TFG: variants seen among roughly 807,000 people sequenced by gnomAD.
TFG encodes the protein trafficking from ER to golgi regulator, also known as protein TFG.
Under a neutral mutation model 51.4 loss-of-function variants are expected in TFG, and 22 were observed. That is an observed-to-expected ratio of 0.43 (90% CI 0.31 to 0.61). The LOEUF is 0.61. Among genes scored for constraint, TFG ranks in the 20% least tolerant of loss-of-function variants. The pLI is 0.12. For missense variants in TFG, 419 were observed against 487.7 expected (o/e 0.86, Z 1.33); for synonymous variants, 187 against 165.6 (o/e 1.13, Z -0.99).
At chr3:100,719,006 T>C (rs2095053902) in intron 2 of TFG, among the ~76,000 whole-genome samples, 1 of 152,254 alleles carries the variant, frequency 6.6e-6, no homozygotes, top group Admixed American at 6.5e-5. Context: ...TTTCTTCTTT[T>C]ACATACATAC....
intron 4 of TFG, 58 bp from the exon 5 acceptor site, chr3:100,732,450 C>T: frequency 3.1e-6 from 4 of 1,271,386 alleles, no homozygotes; most frequent in Admixed American, 4.2e-5. Flanking sequence ...TACTTTTAGG[C>T]CTTACTGAAT....
chr3:100,744,603 A>G (rs912640374), intron 6 of TFG: 4 of 358,402 alleles, frequency 1.1e-5, no homozygotes, highest in African/African-American at 8.4e-5. Flanking sequence ...CTGGTGTTGC[A>G]CTTAATGTTT....
chr3:100,727,545 C>T (rs1399764127), intron 3 of TFG, among the ~76,000 whole-genome samples: 1 of 152,102 alleles, frequency 6.6e-6, no homozygotes, highest in Non-Finnish European at 1.5e-5. Context: ...TTTTGAACGC[C>T]TGTCTTGGGG....
chr3:100,717,742 C>A (rs1439836957), intron 2 of TFG, among the ~76,000 whole-genome samples: 2 of 151,766 alleles, frequency 1.3e-5, no homozygotes, highest in African/African-American at 2.4e-5. Context: ...TTGTTTCTGG[C>A]AGCTTTATTG....
intron 3 of TFG, among the ~76,000 whole-genome samples, chr3:100,727,394 A>G (rs1387894993): frequency 6.6e-6 from 1 of 152,198 alleles, no homozygotes; most frequent in African/African-American, 2.4e-5. Context: ...AAAAGCTTAT[A>G]ATTGGTGGTT....
At chr3:100,718,483 C>A (rs2095052231) in intron 2 of TFG, among the ~76,000 whole-genome samples, 1 of 151,242 alleles carries the variant, frequency 6.6e-6, no homozygotes, top group Non-Finnish European at 1.5e-5. Flanking sequence ...AGTTCATGGA[C>A]CCTTAGCTTG....
intron 3 of TFG, 118 bp from the exon 4 acceptor site, chr3:100,728,594 C>A: frequency 3.7e-6 from 3 of 811,026 alleles, no homozygotes; most frequent in Non-Finnish European, 5.5e-6. Flanking sequence ...TACTCCATTA[C>A]ATTGATATCT....
chr3:100,741,614 A>G (rs1406269595), intron 6 of TFG, among the ~76,000 whole-genome samples: 2 of 152,210 alleles, frequency 1.3e-5, no homozygotes, highest in Admixed American at 6.5e-5. Flanking sequence ...GCCTAAGTGT[A>G]TAGCGTTTGT....
At chr3:100,715,415 TTACA>T (rs2095043005) in intron 2 of TFG, among the ~76,000 whole-genome samples, 1 of 152,344 alleles carries the variant, frequency 6.6e-6, no homozygotes, top group African/African-American at 2.4e-5. Context: ...CAGTACCCAG[TTACA>T]TGGCTTTGCT....
rs942285496 is a variant in TFG, at chr3:100,731,794, C to T, written c.416-714C>T. On this transcript the variant is annotated intron_variant, in intron 4 of 7. Transcript: ENST00000240851. ...AGCTCCTGACCTCAAGTGATCTACC[C>T]ACCTCGGCCTCTCAAAGTGCTGGAA... 2.0e-5 allele frequency among the ~76,000 whole-genome samples: 3 copies of T among 152,062 alleles called. No individual in the cohort carries two copies. The South Asian group carries it at 6.2e-4, about 32-fold the overall frequency.
intron 1 of TFG, among the ~76,000 whole-genome samples, chr3:100,710,622 G>A (rs1214069499): frequency 1.3e-5 from 2 of 152,220 alleles, no homozygotes; most frequent in African/African-American, 4.8e-5. Flanking sequence ...TTTGTCCGCC[G>A]AACCTAGAAC....
At chr3:100,726,074 A>G (rs963938065) in intron 3 of TFG, among the ~76,000 whole-genome samples, 14 of 152,144 alleles carry the variant, frequency 9.2e-5, no homozygotes, top group Admixed American at 9.2e-4. Context: ...TCAGTGGCTC[A>G]GTCCAAGTCC....
intron 2 of TFG, among the ~76,000 whole-genome samples, chr3:100,716,729 CT>C (rs1301956819): frequency 6.6e-6 from 1 of 152,128 alleles, no homozygotes. Flanking sequence ...AATAACCATC[CT>C]AACTGGGGTG....
intron 6 of TFG, among the ~76,000 whole-genome samples, chr3:100,741,575 A>G (rs935129052): frequency 2.0e-5 from 3 of 152,304 alleles, no homozygotes; most frequent in Non-Finnish European, 4.4e-5. Context: ...TATTGAAGAA[A>G]TGGAATTTTA....
At chr3:100,710,254 G>A (rs2095026606) in intron 1 of TFG, 1 of 152,096 alleles carries the variant, frequency 6.6e-6, no homozygotes, top group Non-Finnish European at 1.5e-5. Flanking sequence ...TTATAGTGAT[G>A]ATTCTAGCTA....
At chr3:100,727,045 T>G (rs1268239873) in intron 3 of TFG, among the ~76,000 whole-genome samples, 2 of 152,248 alleles carry the variant, frequency 1.3e-5, no homozygotes, top group African/African-American at 4.8e-5. Context: ...TTTTCTGGTG[T>G]GGTCAGTGTT....
intron 4 of TFG, 37 bp downstream of exon 4, chr3:100,728,895 C>T (rs1328236087): frequency 1.3e-6 from 2 of 1,513,574 alleles, no homozygotes; most frequent in Non-Finnish European, 1.8e-6. Context: ...ACTTATTGTT[C>T]TTACGTCTTT....
chr3:100,714,737 A>G (rs1433016060), intron 2 of TFG, among the ~76,000 whole-genome samples: 2 of 152,242 alleles, frequency 1.3e-5, no homozygotes, highest in African/African-American at 4.8e-5. Flanking sequence ...TTAAACAAAG[A>G]CAAAAGTGTT....
At chr3:100,739,413 A>C (rs142052867) in intron 6 of TFG, among the ~76,000 whole-genome samples, 1 of 152,138 alleles carries the variant, frequency 6.6e-6, no homozygotes, top group Non-Finnish European at 1.5e-5. Flanking sequence ...CAAAAGGGAT[A>C]ATGTTACTCT....
Sources: allele counts gnomAD v4.1 joint callset (sites outside exome capture counted in the v4.1 genomes callset), GRCh38; gene constraint gnomAD v4.1.1; transcripts MANE v1.5; gene names NCBI Gene and HGNC (gene_info 2026-07-23, HGNC 2026-07-21).